Variants in MYO1D observed in about 807,000 individuals in gnomAD.
MYO1D encodes unconventional myosin-Id.
Under a neutral mutation model 122.0 loss-of-function variants are expected in MYO1D, and 83 were observed. The observed-to-expected ratio is 0.68, with a 90% CI of 0.57 to 0.82. MYO1D has a LOEUF of 0.82. MYO1D is among the 40% of genes least tolerant of loss of function. MYO1D has a pLI of 0.00. For missense variants in MYO1D, 1,157 were observed against 1,269.5 expected, an observed-to-expected ratio of 0.91 and a Z score of 1.35; for synonymous variants, 464 against 446.9, an observed-to-expected ratio of 1.04 and a Z score of -0.48.
intron 16 of MYO1D, among the ~76,000 whole-genome samples, chr17:32,702,908 G>A (rs2089265549): frequency 1.3e-5 from 2 of 152,194 alleles, no homozygotes; most frequent in African/African-American, 4.8e-5. Flanking sequence ...GGAACATGGA[G>A]CAGGTAAGGG....
intron 15 of MYO1D, 82 bp from the exon 16 acceptor site, chr17:32,712,277 A>T: frequency 7.7e-7 from 1 of 1,294,564 alleles, no homozygotes; most frequent in South Asian, 1.3e-5. Context: ...AATGCAAGAC[A>T]CCTCATAGAA....
intron 1 of MYO1D, among the ~76,000 whole-genome samples, chr17:32,827,526 T>C (rs1358876226): frequency 6.6e-6 from 1 of 152,194 alleles, no homozygotes; most frequent in East Asian, 1.9e-4. Flanking sequence ...ACAGAAATAC[T>C]GAACTGTACA....
intron 14 of MYO1D, among the ~76,000 whole-genome samples, chr17:32,728,281 T>C (rs543817632): frequency 2.0e-5 from 3 of 151,970 alleles, no homozygotes; most frequent in Admixed American, 6.6e-5. Context: ...TCTCAGCTCA[T>C]TGCAACCTCG....
At chr17:32,627,719 C>G (rs539857141) in intron 20 of MYO1D, 1 of 152,250 alleles carries the variant, frequency 6.6e-6, no homozygotes, top group Non-Finnish European at 1.5e-5. Context: ...AAACAACATT[C>G]ATGGGCAGAT....
chr17:32,526,699 C>T (rs536066218), intron 21 of MYO1D, among the ~76,000 whole-genome samples: 2 of 152,014 alleles, frequency 1.3e-5, no homozygotes, highest in South Asian at 4.2e-4. Context: ...GTTGCCCAGG[C>T]TGGGGTGCAG....
At chr17:32,563,170 G>A (rs1032772290) in intron 21 of MYO1D, among the ~76,000 whole-genome samples, 24 of 133,536 alleles carry the variant, frequency 1.8e-4, no homozygotes, top group African/African-American at 6.2e-4. Flanking sequence ...GTTATTTTCC[G>A]TTTTCTTTGC....
At chr17:32,794,125 G>A (rs1175267019) in intron 1 of MYO1D, 1 of 152,170 alleles carries the variant, frequency 6.6e-6, no homozygotes, top group Non-Finnish European at 1.5e-5. Flanking sequence ...TGTTTATAAA[G>A]CATTCTTCTA....
At chr17:32,813,947 T>C (rs2090592993) in intron 1 of MYO1D, among the ~76,000 whole-genome samples, 1 of 152,198 alleles carries the variant, frequency 6.6e-6, no homozygotes, top group Admixed American at 6.5e-5. Context: ...CCATGGGCAT[T>C]AGGTGGAAGG....
intron 21 of MYO1D, among the ~76,000 whole-genome samples, chr17:32,506,356 A>G (rs2150856291): frequency 6.6e-6 from 1 of 152,348 alleles, no homozygotes. Flanking sequence ...TGGTCCCAGG[A>G]AAGCATTCAA....
At chr17:32,849,638 G>T (rs1414169583) in intron 1 of MYO1D, among the ~76,000 whole-genome samples, 2 of 149,608 alleles carry the variant, frequency 1.3e-5, no homozygotes, top group Non-Finnish European at 3.0e-5. Flanking sequence ...ACAGGAAGGG[G>T]AATATCACAC....
chr17:32,509,402 A>G (rs1175540251), intron 21 of MYO1D, among the ~76,000 whole-genome samples: 1 of 152,192 alleles, frequency 6.6e-6, no homozygotes, highest in Admixed American at 6.5e-5. Flanking sequence ...GGTAGGATGG[A>G]AAACATTTGG....
At chr17:32,590,283 T>C (rs754029222) in intron 21 of MYO1D, among the ~76,000 whole-genome samples, 8 of 152,192 alleles carry the variant, frequency 5.3e-5, no homozygotes, top group African/African-American at 1.7e-4. Context: ...CTCCCTTCTA[T>C]GGGGAGCATC....
intron 21 of MYO1D, among the ~76,000 whole-genome samples, chr17:32,533,683 T>C (rs1264896651): frequency 6.6e-6 from 1 of 152,128 alleles, no homozygotes; most frequent in Non-Finnish European, 1.5e-5. Context: ...TTCCCAGCTC[T>C]CCAGGCTCCA....
intron 8 of MYO1D, among the ~76,000 whole-genome samples, chr17:32,763,946 C>A (rs1249427457): frequency 6.6e-6 from 1 of 151,916 alleles, no homozygotes; most frequent in African/African-American, 2.4e-5. Flanking sequence ...ATAAGTATAC[C>A]CTTTGACCTG....
intron 20 of MYO1D, among the ~76,000 whole-genome samples, chr17:32,636,564 C>T (rs1158556905): frequency 6.6e-6 from 1 of 152,150 alleles, no homozygotes; most frequent in Non-Finnish European, 1.5e-5. Context: ...GTTAGTTCCA[C>T]CCAGAAGCAG....
At chr17:32,712,813 C>T (rs893000383) in intron 15 of MYO1D, among the ~76,000 whole-genome samples, 8 of 152,282 alleles carry the variant, frequency 5.3e-5, no homozygotes, top group South Asian at 2.1e-4. Context: ...CACCACACAG[C>T]GGCTTGCTTC....
intron 1 of MYO1D, among the ~76,000 whole-genome samples, chr17:32,828,515 CAAAAA>C (rs137921871): frequency 1.4e-4 from 10 of 71,808 alleles, no homozygotes; most frequent in Admixed American, 1.8e-4. Flanking sequence ...GACTCCGTCT[CAAAAA>C]AAAAAAAAAA....
intron 19 of MYO1D, among the ~76,000 whole-genome samples, chr17:32,640,856 C>T (rs1204301347): frequency 6.6e-6 from 1 of 151,768 alleles, no homozygotes. Flanking sequence ...TACTGCAAAC[C>T]ACAGCCTCCA....
At chr17:32,737,678 C>G (rs2089721775) in intron 14 of MYO1D, among the ~76,000 whole-genome samples, 1 of 152,234 alleles carries the variant, frequency 6.6e-6, no homozygotes, top group East Asian at 1.9e-4. Context: ...GGAGGTCTCA[C>G]TATATTGTCC....
Sources: allele counts gnomAD v4.1 joint callset (sites outside exome capture counted in the v4.1 genomes callset), GRCh38; gene constraint gnomAD v4.1.1; transcripts MANE v1.5; gene names NCBI Gene and HGNC (gene_info 2026-07-23, HGNC 2026-07-21).